The following S100A2 variants were observed in gnomAD, a reference collection of about 807,000 sequenced individuals.
S100A2 encodes S100 calcium binding protein A2.
S100A2 carries 5 observed loss-of-function variants against 4.3 expected under a neutral mutation model. The ratio of observed to expected loss-of-function variants is 1.16; its 90% confidence interval spans 0.61 to 2.44. S100A2 has a LOEUF of 2.44. S100A2 is among the 30% of genes most tolerant of loss of function. The pLI is 0.01. For synonymous variants in S100A2, 44 were observed against 46.0 expected (o/e 0.96, Z 0.17); for missense variants, 103 against 114.7 (o/e 0.90, Z 0.47).
Position 153,563,502 on chromosome 1 carries a change from C to T in S100A2, c.144+232G>A, listed in dbSNP as rs774424336. 1.3e-4 allele frequency: 206 copies of T among 1,550,702 alleles called. 2 individuals are homozygous for T. The Admixed American group carries it at 3.9e-3, about 29-fold the overall frequency. On this transcript the variant is annotated intron_variant, in intron 2 of 2. Transcript: ENST00000368708. ...AATGACAGGATTAAACAGATGGACT[C>T]GGAAGGCCCTCACAGCACATGGTTC... is the stretch of plus-strand genomic sequence containing the variant.
chr1:153,562,130 TG>T (rs1665907416), intron 2 of S100A2, among the ~76,000 whole-genome samples: 1 of 152,002 alleles, frequency 6.6e-6, no homozygotes, highest in South Asian at 2.1e-4. Flanking sequence ...CCCAGCTAAT[TG>T]TTTATTTTTA....
Position 153,563,743 on chromosome 1 carries a change from G to A in S100A2, c.135C>T (p.Ser45=), listed in dbSNP as rs974292486. The A allele has an allele frequency of 3.1e-6, 5 of 1,613,724 alleles. No homozygotes were observed. Among genetic ancestry groups the A allele is most frequent in the Admixed American group, 3.3e-5 (2 of 59,986 alleles). ...MKELLHKELP[S]FVGEKVDEEG... is the part of the protein sequence containing the mutation. ...GGCCTGTGCCACTCACCCCCACAAA[G>A]CTGGGCAGCTCCTTGTGCAGAAGTT... Residue 45 remains serine (S), a synonymous_variant, in exon 2 of 3, where the codon AGC becomes AGT. Coordinates refer to ENST00000368708, the MANE Select transcript of S100A2 (RefSeq NM_005978.4).
At chr1:153,562,343 T>C (rs1665911295) in intron 2 of S100A2, among the ~76,000 whole-genome samples, 1 of 152,186 alleles carries the variant, frequency 6.6e-6, no homozygotes, top group African/African-American at 2.4e-5. Context: ...GGAGTCTTGC[T>C]ATGTTGCCCA....
intron 2 of S100A2, among the ~76,000 whole-genome samples, chr1:153,562,655 T>G (rs2857426): frequency 2.0e-5 from 3 of 152,210 alleles, no homozygotes; most frequent in Admixed American, 6.5e-5. Context: ...ATATCTTAGC[T>G]GGGCTTTTCT....
At chr1:153,564,588 A>G (rs2101706957) in intron 1 of S100A2, among the ~76,000 whole-genome samples, 1 of 152,208 alleles carries the variant, frequency 6.6e-6, no homozygotes, top group Non-Finnish European at 1.5e-5. Flanking sequence ...TAAAGATATG[A>G]AATGTTCATT....
intron 1 of S100A2, among the ~76,000 whole-genome samples, chr1:153,564,925 AG>A (rs1381365496): frequency 6.7e-6 from 1 of 149,700 alleles, no homozygotes; most frequent in Admixed American, 6.7e-5. Context: ...TCCTAGGCCT[AG>A]ACCCCCAAAG....
chr1:153,563,778 C>T lies in S100A2; in HGVS notation c.100G>A (p.Glu34Lys). The change falls in exon 2 of 3, where the codon GAA becomes AAA. Residue 34 changes from glutamate to lysine, a missense_variant. Transcript: ENST00000368708. Reference protein sequence around the residue: ...EGDKFKLSKGEMKELLHKELP... With the variant: ...EGDKFKLSKGKMKELLHKELP... Reference sequence around the variant, plus strand: ...TCCTTGTGCAGAAGTTCCTTCATTTCCCCCTTACTCAGCTTGAACTTGTCG... The same window carrying T: ...TCCTTGTGCAGAAGTTCCTTCATTTTCCCCTTACTCAGCTTGAACTTGTCG... 6.2e-7 allele frequency: 1 copy of T among 1,614,220 alleles called. No individual in the cohort carries two copies. Among genetic ancestry groups the T allele is most frequent in the Non-Finnish European group, 8.5e-7 (1 of 1,180,038 alleles).
chr1:153,564,727 G>C lies in S100A2; in HGVS notation c.-11+779C>G, dbSNP rs1400277033. On this transcript the variant is annotated intron_variant, in intron 1 of 2. Coordinates refer to ENST00000368708, the MANE Select transcript of S100A2 (RefSeq NM_005978.4). ...ATGCCAGAGGCAGGGCATGCCCTGG[G>C]CCCATCATGCCAGCCCTGCCTTCAC... is the stretch of plus-strand genomic sequence containing the variant. Among the ~76,000 whole-genome samples the C allele has an allele frequency of 2.6e-5, 4 of 151,970 alleles. No individual in the cohort carries two copies. The East Asian group carries it at 7.8e-4, about 30-fold the overall frequency.
intron 2 of S100A2, among the ~76,000 whole-genome samples, chr1:153,563,156 G>T (rs1444304622): frequency 2.0e-5 from 3 of 151,848 alleles, no homozygotes; most frequent in Non-Finnish European, 2.9e-5. Context: ...GGTAGATCAC[G>T]AGGTCAGGAG....
At chr1:153,564,495 GC>G (rs1178461940) in intron 1 of S100A2, among the ~76,000 whole-genome samples, 3 of 152,212 alleles carry the variant, frequency 2.0e-5, no homozygotes, top group African/African-American at 7.2e-5. Context: ...AGGCCCCTGA[GC>G]CTCTAGGCAG....
At chr1:153,563,581 T>C (rs1442448071) in intron 2 of S100A2, 153 bp downstream of exon 2, 1 of 1,553,852 alleles carries the variant, frequency 6.4e-7, no homozygotes, top group Non-Finnish European at 8.7e-7. Context: ...TCGGGCCTCA[T>C]TTCCACTCCA....
chr1:153,565,070 G>A (rs1665978889), intron 1 of S100A2, among the ~76,000 whole-genome samples: 1 of 151,678 alleles, frequency 6.6e-6, no homozygotes, highest in South Asian at 2.1e-4. Flanking sequence ...CCAGCACTTT[G>A]GGAGGCCGAG....
intron 1 of S100A2, 116 bp from the exon 2 acceptor site, chr1:153,564,003 T>A (rs1382473356): frequency 9.3e-7 from 1 of 1,079,000 alleles, no homozygotes; most frequent in Non-Finnish European, 1.3e-6. Context: ...CCTCTCTGAA[T>A]GGGAAGGCAG....
chr1:153,565,311 CAAAA>C (rs57778287), intron 1 of S100A2, among the ~76,000 whole-genome samples, 191 bp downstream of exon 1: 4 of 46,756 alleles, frequency 8.6e-5, no homozygotes, highest in East Asian at 7.1e-4. Context: ...GACTCCATCT[CAAAA>C]AAAAAAAAAA....
At chr1:153,561,996 C>T (rs1018189711) in intron 2 of S100A2, among the ~76,000 whole-genome samples, 2 of 152,242 alleles carry the variant, frequency 1.3e-5, no homozygotes, top group African/African-American at 2.4e-5. Context: ...AGGTCTTGCT[C>T]TGTTGCCCAG....
chr1:153,564,871 C>A (rs554389515), intron 1 of S100A2, among the ~76,000 whole-genome samples: 43 of 15,972 alleles, frequency 2.7e-3, no homozygotes, highest in Non-Finnish European at 5.5e-3. Context: ...AAAAAAAAAT[C>A]TCAGGATTCT....
At chr1:153,563,991 C>T in intron 1 of S100A2, 104 bp from the exon 2 acceptor site, 8 of 1,208,056 alleles carry the variant, frequency 6.6e-6, no homozygotes, top group Non-Finnish European at 9.1e-6. Flanking sequence ...CCTCACAAAA[C>T]CCCTCTCTGA....
chr1:153,561,408 A>G lies in S100A2; in HGVS notation c.*31T>C. The G allele has an allele frequency of 1.2e-6, 2 of 1,603,728 alleles. No homozygotes were observed. The highest frequency in any genetic ancestry group is 1.7e-6 in the Non-Finnish European group (2 of 1,172,340). On this transcript the variant is annotated 3_prime_UTR_variant, in exon 3 of 3. Transcript: ENST00000368708. ...AGGCATCAACAGTCCTGGGCCCAAG[A>G]GATCCATGGCAGGAAGTCAAGAGTT...
chr1:153,563,990 A>C, intron 1 of S100A2, 103 bp from the exon 2 acceptor site: 2 of 1,192,162 alleles, frequency 1.7e-6, no homozygotes, highest in Non-Finnish European at 2.3e-6. Flanking sequence ...ACCTCACAAA[A>C]CCCCTCTCTG....
Sources: allele counts gnomAD v4.1 joint callset (sites outside exome capture counted in the v4.1 genomes callset), GRCh38; gene constraint gnomAD v4.1.1; transcripts MANE v1.5; gene names NCBI Gene and HGNC (gene_info 2026-07-23, HGNC 2026-07-21).